MARK1: variants seen among roughly 807,000 people sequenced by gnomAD.
MARK1 encodes the protein serine/threonine-protein kinase MARK1.
Under a neutral mutation model 96.3 loss-of-function variants are expected in MARK1, and 40 were observed. The ratio of observed to expected loss-of-function variants is 0.42; its 90% confidence interval spans 0.32 to 0.54. The LOEUF is 0.54. Among genes scored for constraint, MARK1 ranks in the 20% least tolerant of loss-of-function variants. MARK1 has a pLI of 0.16. For synonymous variants in MARK1, 317 were observed against 341.2 expected (o/e 0.93, Z 0.78); for missense variants, 719 against 984.6 (o/e 0.73, Z 3.61).
chr1:220,561,530 A>C (rs929414046), intron 1 of MARK1, among the ~76,000 whole-genome samples: 3 of 152,222 alleles, frequency 2.0e-5, no homozygotes, highest in African/African-American at 4.8e-5. Context: ...AGAGGGATAC[A>C]TGAAAAGTTA....
chr1:220,587,532 C>T (rs1273450532), intron 3 of MARK1, among the ~76,000 whole-genome samples: 2 of 151,988 alleles, frequency 1.3e-5, no homozygotes, highest in African/African-American at 2.4e-5. Context: ...CCAAGCCCAG[C>T]TAATTTTTTG....
chr1:220,657,671 G>A, intron 16 of MARK1, 119 bp from the exon 17 acceptor site: 1 of 639,430 alleles, frequency 1.6e-6, no homozygotes, highest in Non-Finnish European at 2.6e-6. Flanking sequence ...ACTAGTAATA[G>A]AAAACTGTCA....
Position 220,649,456 on chromosome 1 carries a change from T to C in MARK1, c.1471-1164T>C, listed in dbSNP as rs114843136. ...GTTGCCTAGGCTGGTCTTGAACTCC[T>C]AGCCTCAAATGATCTGCCCTCCTAG... On this transcript the variant is annotated intron_variant, in intron 13 of 17. Transcript: ENST00000366917. Among the ~76,000 whole-genome samples, 1,343 of 152,290 alleles carry C rather than the reference T, an allele frequency of 8.8e-3. 13 individuals carry two copies. Among genetic ancestry groups the C allele is most frequent in the African/African-American group, 0.031 (1,284 of 41,548 alleles).
At chr1:220,577,663 A>G (rs1663959952) in intron 1 of MARK1, among the ~76,000 whole-genome samples, 1 of 152,204 alleles carries the variant, frequency 6.6e-6, no homozygotes, top group South Asian at 2.1e-4. Flanking sequence ...ACCAGGGATA[A>G]CACTGTGAAA....
At chr1:220,571,275 G>A (rs912171787) in intron 1 of MARK1, among the ~76,000 whole-genome samples, 16 of 152,098 alleles carry the variant, frequency 1.1e-4, no homozygotes, top group Admixed American at 3.3e-4. Context: ...GACGTAGTGC[G>A]TGACAACTTA....
intron 14 of MARK1, among the ~76,000 whole-genome samples, chr1:220,651,462 T>C (rs1163189811): frequency 2.0e-5 from 3 of 152,216 alleles, no homozygotes; most frequent in Non-Finnish European, 2.9e-5. Context: ...TTCAGACTTA[T>C]GATTTTTCCT....
At chr1:220,635,623 TGTTATCTA>T (rs1667919155) in intron 12 of MARK1, 94 bp downstream of exon 12, 6 of 1,366,278 alleles carry the variant, frequency 4.4e-6, no homozygotes, top group African/African-American at 1.5e-5. Context: ...TATGTGCTTG[TGTTATCTA>T]GTTCTCACAG....
At chr1:220,581,163 T>A in intron 3 of MARK1, 45 bp downstream of exon 3, 1 of 651,464 alleles carries the variant, frequency 1.5e-6, no homozygotes, top group Non-Finnish European at 2.4e-6. Context: ...AGTTTATCAT[T>A]AATATGTGAT....
intron 11 of MARK1, among the ~76,000 whole-genome samples, chr1:220,633,461 A>G (rs1244421453): frequency 1.3e-5 from 2 of 152,212 alleles, no homozygotes; most frequent in African/African-American, 4.8e-5. Flanking sequence ...CAGCTGACAT[A>G]TATTGAACCT....
chr1:220,617,662 T>A (rs1456592402), intron 7 of MARK1, among the ~76,000 whole-genome samples: 1 of 152,202 alleles, frequency 6.6e-6, no homozygotes, highest in African/African-American at 2.4e-5. Flanking sequence ...ATTCATTGTT[T>A]TCTATGTAAA....
chr1:220,649,192 A>G (rs958783743), intron 13 of MARK1, among the ~76,000 whole-genome samples: 3 of 151,794 alleles, frequency 2.0e-5, no homozygotes, highest in Non-Finnish European at 4.4e-5. Context: ...GCATAATCGA[A>G]TCAATTTTCT....
At chr1:220,548,146 T>G (rs1203125240) in intron 1 of MARK1, among the ~76,000 whole-genome samples, 1 of 152,236 alleles carries the variant, frequency 6.6e-6, no homozygotes, top group Non-Finnish European at 1.5e-5. Context: ...AGTGGAGTAC[T>G]TTAAGAATAT....
chr1:220,592,221 TATTA>T (rs1350201999), intron 3 of MARK1, among the ~76,000 whole-genome samples: 2 of 50,654 alleles, frequency 3.9e-5, no homozygotes, highest in African/African-American at 1.7e-4. Flanking sequence ...GATTATATCA[TATTA>T]TATTATATTA....
intron 6 of MARK1, among the ~76,000 whole-genome samples, chr1:220,614,694 T>C (rs898298625): frequency 8.5e-5 from 13 of 152,110 alleles, no homozygotes; most frequent in Admixed American, 5.2e-4. Flanking sequence ...TTTTTGTATT[T>C]GCCTAGCAAC....
intron 3 of MARK1, among the ~76,000 whole-genome samples, chr1:220,594,753 A>C (rs1467747396): frequency 6.6e-6 from 1 of 152,182 alleles, no homozygotes; most frequent in Non-Finnish European, 1.5e-5. Context: ...GTGTATTACT[A>C]TGTAAAAGCC....
intron 1 of MARK1, among the ~76,000 whole-genome samples, chr1:220,561,704 T>C (rs1035391685): frequency 1.3e-5 from 2 of 152,192 alleles, no homozygotes; most frequent in African/African-American, 4.8e-5. Flanking sequence ...ACTAGAATAG[T>C]ATAGACAATG....
chr1:220,620,898 ATT>A lies in MARK1; in HGVS notation c.909+2148_909+2149del, dbSNP rs1242470121. On this transcript the variant is annotated intron_variant, in intron 9 of 17. Transcript: ENST00000366917. The stretch of plus-strand genomic sequence containing the variant: ...TGACTTTCCAGGGAAACTTGACACC[ATT>A]TTTTAAAAAAGAAATATTTCTTATA... Among the ~76,000 whole-genome samples the A allele has an allele frequency of 3.9e-5, 6 of 152,178 alleles. No individual in the cohort carries two copies. The South Asian group carries it at 1.2e-3, about 32-fold the overall frequency.
intron 1 of MARK1, among the ~76,000 whole-genome samples, chr1:220,558,223 C>T (rs573200682): frequency 1.3e-5 from 2 of 149,854 alleles, no homozygotes; most frequent in Middle Eastern, 3.5e-3. Context: ...ATTCTGAGGT[C>T]TTCAGTTATT....
chr1:220,534,543 C>T (rs946742075), intron 1 of MARK1, among the ~76,000 whole-genome samples: 3 of 152,044 alleles, frequency 2.0e-5, no homozygotes, highest in Admixed American at 1.3e-4. Flanking sequence ...ATATTTGTCT[C>T]TCTGTACTTG....
Sources: gnomAD v4.1 joint callset for allele counts (sites outside exome capture counted in the v4.1 genomes callset) on GRCh38, gnomAD v4.1.1 for gene constraint, MANE v1.5 for transcripts, NCBI Gene and HGNC (gene_info 2026-07-23, HGNC 2026-07-21) for gene names.